TMEM272: variants seen among roughly 807,000 people sequenced by gnomAD.
The protein encoded by TMEM272 is long intergenic non-protein coding RNA 282.
Under a neutral mutation model 3.7 loss-of-function variants are expected in TMEM272, and 8 were observed. The ratio of observed to expected loss-of-function variants is 2.17; its 90% confidence interval spans 1.27 to 3.91. TMEM272 has a LOEUF of 3.91. Among genes scored for constraint, TMEM272 ranks in the 30% most tolerant of loss-of-function variants. TMEM272 has a pLI of 0.00. For synonymous variants in TMEM272, 63 were observed against 39.8 expected (o/e 1.58, Z -2.20); for missense variants, 166 against 91.5 (o/e 1.81, Z -3.32).
At chr13:51,909,175 G>A in the TMEM272 span, 157 of 1,389,466 alleles carry the variant, frequency 1.1e-4, no homozygotes, top group African/African-American at 2.0e-3. Context: ...GCTAATTTTT[G>A]TCTTTTGTGA....
At chr13:51,921,033 C>T in the TMEM272 span, among the ~76,000 whole-genome samples, 9 of 152,212 alleles carry the variant, frequency 5.9e-5, no homozygotes, top group South Asian at 2.1e-4. Flanking sequence ...AGCTCTGCGA[C>T]GCCTGGTGGG....
chr13:51,905,165 A>G, the TMEM272 span, among the ~76,000 whole-genome samples: 1 of 152,236 alleles, frequency 6.6e-6, no homozygotes, highest in Admixed American at 6.5e-5. Flanking sequence ...AACGGCCCTA[A>G]GCAGGAGAAG....
chr13:51,930,134 C>T, the TMEM272 span, among the ~76,000 whole-genome samples: 520 of 152,238 alleles, frequency 3.4e-3, 3 homozygotes, highest in African/African-American at 0.012. Context: ...CCTTCCCCCC[C>T]CCCACTTTCT....
chr13:51,865,293 G>T, the TMEM272 span: 1 of 1,110,758 alleles, frequency 9.0e-7, no homozygotes, highest in Non-Finnish European at 1.3e-6. Flanking sequence ...CCCCTGGCAT[G>T]TGATACTCAT....
intron 3 of TMEM272, 84 bp downstream of exon 3, chr13:51,826,482 T>C: frequency 1.4e-6 from 1 of 692,398 alleles, no homozygotes; most frequent in Non-Finnish European, 2.6e-6. Flanking sequence ...TAAACACATA[T>C]TTAATGTTTA....
upstream of TMEM272, among the ~76,000 whole-genome samples, chr13:51,847,169 T>C (rs1956311595): frequency 6.6e-6 from 1 of 152,236 alleles, no homozygotes; most frequent in East Asian, 1.9e-4. Flanking sequence ...CCTACATTAT[T>C]CAATACAGTA....
At chr13:51,844,199 A>G (rs1298815655) in intron 1 of TMEM272, among the ~76,000 whole-genome samples, 4 of 112,854 alleles carry the variant, frequency 3.5e-5, no homozygotes, top group Non-Finnish European at 5.5e-5. Context: ...ATCAACAGTA[A>G]ACATATATAT....
chr13:51,822,006 G>A (rs1446048079), intron 4 of TMEM272, 49 bp downstream of exon 4: 5 of 702,286 alleles, frequency 7.1e-6, no homozygotes, highest in Admixed American at 4.0e-5. Context: ...CAGGATGCCT[G>A]TGAGTTAATT....
intron 2 of TMEM272, among the ~76,000 whole-genome samples, chr13:51,835,441 G>T (rs983636127): frequency 6.6e-6 from 1 of 152,042 alleles, no homozygotes; most frequent in Admixed American, 6.6e-5. Context: ...TTGCAGGATG[G>T]TCTCGATCTC....
chr13:51,873,841 G>A, the TMEM272 span, among the ~76,000 whole-genome samples: 1 of 152,180 alleles, frequency 6.6e-6, no homozygotes, highest in South Asian at 2.1e-4. Context: ...AGACTGTAAG[G>A]TGAAGAGAGC....
the TMEM272 span, among the ~76,000 whole-genome samples, chr13:51,891,933 T>A: frequency 1.3e-5 from 2 of 152,152 alleles, no homozygotes; most frequent in African/African-American, 4.8e-5. Context: ...GGTCAATGAT[T>A]TTTTGAAAAT....
At chr13:51,874,575 C>A in the TMEM272 span, among the ~76,000 whole-genome samples, 6 of 152,174 alleles carry the variant, frequency 3.9e-5, no homozygotes, top group Non-Finnish European at 8.8e-5. Context: ...AACCACACAT[C>A]TAGGTTTGTA....
chr13:51,851,053 T>C, the TMEM272 span, among the ~76,000 whole-genome samples: 1 of 152,210 alleles, frequency 6.6e-6, no homozygotes, highest in African/African-American at 2.4e-5. Context: ...TCATTTCCAA[T>C]TTTAAGATTT....
Position 51,813,594 on chromosome 13 carries a change from C to T in TMEM272, c.*3157G>A. On this transcript the variant is annotated 3_prime_UTR_variant, in exon 5 of 5. Transcript: ENST00000629372. The stretch of plus-strand genomic sequence containing the variant: ...GAGTGCACACATGCGGTTTCTCTGG[C>T]CACCGAATCAGAACCAGCTGGGCCC... 4.2e-6 allele frequency: 1 copy of T among 237,978 alleles called. No individual in the cohort carries two copies. The highest frequency in any genetic ancestry group is 5.7e-5 in the Admixed American group (1 of 17,684). 14.7% of individuals were successfully genotyped at this position (237,978 alleles called of 1,614,324 possible). A position where few individuals can be genotyped will look rare whatever the true frequency, so the allele number is the denominator to read the frequency against.
the TMEM272 span, among the ~76,000 whole-genome samples, chr13:51,891,317 CT>C: frequency 6.6e-6 from 1 of 152,028 alleles, no homozygotes; most frequent in South Asian, 2.1e-4. Context: ...ATTTCATTTG[CT>C]TTTTTTCTAC....
At chr13:51,929,553 C>A in the TMEM272 span, among the ~76,000 whole-genome samples, 1 of 152,200 alleles carries the variant, frequency 6.6e-6, no homozygotes, top group South Asian at 2.1e-4. Context: ...ACTGTCCTGC[C>A]AAAGGACACC....
chr13:51,860,733 G>A, the TMEM272 span, among the ~76,000 whole-genome samples: 18 of 11,272 alleles, frequency 1.6e-3, no homozygotes, highest in African/African-American at 6.1e-3. Flanking sequence ...ATATATATGT[G>A]TGTGTGTATA....
At chr13:51,912,901 A>G in the TMEM272 span, among the ~76,000 whole-genome samples, 6 of 152,250 alleles carry the variant, frequency 3.9e-5, no homozygotes, top group Non-Finnish European at 8.8e-5. Flanking sequence ...GGAAATGACA[A>G]TAGAAGGAGC....
intron 1 of TMEM272, among the ~76,000 whole-genome samples, chr13:51,839,456 C>T (rs559259238): frequency 3.5e-4 from 54 of 152,186 alleles, no homozygotes; most frequent in Admixed American, 2.4e-3. Context: ...CTGATCCAGG[C>T]GGGATCTGGG....
Sources: allele counts gnomAD v4.1 joint callset (sites outside exome capture counted in the v4.1 genomes callset), GRCh38; gene constraint gnomAD v4.1.1; transcripts MANE v1.5; gene names NCBI Gene and HGNC (gene_info 2026-07-23, HGNC 2026-07-21).